CSMD3: variants seen among roughly 807,000 people sequenced by gnomAD.
CSMD3 encodes the protein CUB and sushi domain-containing protein 3.
A neutral mutation model predicts 435.2 loss-of-function variants in CSMD3; 177 were observed. The ratio of observed to expected loss-of-function variants is 0.41; its 90% CI spans 0.36 to 0.46. The LOEUF (loss-of-function observed/expected upper bound fraction) is 0.46, where lower values mean the gene tolerates loss of function less well. Ranked by LOEUF, CSMD3 falls within the 20% of genes least tolerant of loss-of-function variation. The pLI, the probability that CSMD3 is intolerant of heterozygous loss-of-function variation, is 0.34. For missense variants in CSMD3, 4,265 were observed against 4,504.6 expected, an observed-to-expected ratio of 0.95 and a Z score of 1.52; for synonymous variants, 1,656 against 1,520.5, an observed-to-expected ratio of 1.09 and a Z score of -2.07.
chr8:112,387,089 T>C (rs970246493), intron 36 of CSMD3, among the ~76,000 whole-genome samples: 9 of 152,196 alleles, frequency 5.9e-5, no homozygotes, highest in African/African-American at 1.7e-4. Context: ...ATTTTGAATG[T>C]AGCTGCACTG....
chr8:112,234,352 T>G lies in CSMD3; in HGVS notation c.10740+13A>C, dbSNP rs747300908. 6.6e-7 allele frequency: 1 copy of G among 1,513,014 alleles called. No homozygotes were observed. The highest frequency in any genetic ancestry group is 9.2e-7 in the Non-Finnish European group (1 of 1,088,884). 93.7% of individuals were successfully genotyped at this position (1,513,014 alleles called of 1,614,324 possible). A position where few individuals can be genotyped will look rare whatever the true frequency, so the allele number is the denominator to read the frequency against. ...TTAAAATCAGCAGCAGATGTTAAAA[T>G]AACTATACTTACAAAGCCATCCATT... On this transcript the variant is annotated intron_variant, in intron 68 of 70. Coordinates refer to ENST00000297405, the MANE Select transcript of CSMD3 (RefSeq NM_198123.2).
chr8:112,978,969 G>A (rs1463283559), intron 6 of CSMD3, among the ~76,000 whole-genome samples: 1 of 151,912 alleles, frequency 6.6e-6, no homozygotes, highest in East Asian at 1.9e-4. Context: ...AATGGAATAT[G>A]ATTATAATTG....
intron 47 of CSMD3, among the ~76,000 whole-genome samples, chr8:112,317,468 G>A (rs1350428827): frequency 1.3e-5 from 2 of 151,860 alleles, no homozygotes; most frequent in African/African-American, 2.4e-5. Flanking sequence ...TTTTTCCCAT[G>A]TATAACCCCT....
chr8:112,821,738 G>A (rs1001214653), intron 12 of CSMD3, among the ~76,000 whole-genome samples: 1 of 152,122 alleles, frequency 6.6e-6, no homozygotes, highest in African/African-American at 2.4e-5. Context: ...CCTGTGTCCT[G>A]AATGGCATTG....
At chr8:112,983,791 G>A (rs1302703957) in intron 6 of CSMD3, among the ~76,000 whole-genome samples, 1 of 151,878 alleles carries the variant, frequency 6.6e-6, no homozygotes. Context: ...CAGGTCTGGT[G>A]TAAAGAAGGT....
chr8:112,373,197 A>G (rs750492446), intron 38 of CSMD3, among the ~76,000 whole-genome samples: 21 of 151,900 alleles, frequency 1.4e-4, no homozygotes, highest in Non-Finnish European at 2.6e-4. Context: ...GATGAAAAAA[A>G]TAAACACTAT....
intron 16 of CSMD3, among the ~76,000 whole-genome samples, chr8:112,679,744 G>A (rs1482653458): frequency 1.3e-5 from 2 of 152,058 alleles, no homozygotes; most frequent in Non-Finnish European, 2.9e-5. Flanking sequence ...CCCAAGTTAG[G>A]CAAACGAGGA....
chr8:112,803,550 A>G (rs2079009243), intron 12 of CSMD3, among the ~76,000 whole-genome samples: 1 of 152,226 alleles, frequency 6.6e-6, no homozygotes, highest in Admixed American at 6.5e-5. Flanking sequence ...GAACTTGTAT[A>G]AAAGACTGTC....
intron 13 of CSMD3, among the ~76,000 whole-genome samples, chr8:112,798,909 C>G (rs1416710789): frequency 6.6e-6 from 1 of 151,626 alleles, no homozygotes; most frequent in African/African-American, 2.4e-5. Context: ...AGAAGTATGA[C>G]GAGGTGAGAG....
At chr8:112,535,705 C>CAAAACCAAAAAAGG (rs1826008508) in intron 27 of CSMD3, among the ~76,000 whole-genome samples, 1 of 152,110 alleles carries the variant, frequency 6.6e-6, no homozygotes, top group Admixed American at 6.6e-5. Flanking sequence ...AAAGAGCCCG[C>CAAAACCAAAAAAGG]ATCGCCAAGT....
intron 11 of CSMD3, among the ~76,000 whole-genome samples, chr8:112,847,324 G>C (rs1172776470): frequency 3.3e-5 from 5 of 152,170 alleles, no homozygotes; most frequent in South Asian, 2.1e-4. Context: ...AGCCCACTTG[G>C]TCCACACATG....
At chr8:112,935,801 C>A (rs150679147) in intron 9 of CSMD3, among the ~76,000 whole-genome samples, 1 of 151,426 alleles carries the variant, frequency 6.6e-6, no homozygotes, top group African/African-American at 2.4e-5. Context: ...AGAAAAGTGA[C>A]GTGATTTGAT....
At chr8:112,477,583 G>A (rs1032597692) in intron 31 of CSMD3, among the ~76,000 whole-genome samples, 7 of 151,968 alleles carry the variant, frequency 4.6e-5, no homozygotes, top group Admixed American at 3.9e-4. Flanking sequence ...CTGAGATCTG[G>A]TCATTTAAAG....
chr8:112,932,627 GA>G (rs570591489), intron 9 of CSMD3, among the ~76,000 whole-genome samples: 2 of 147,834 alleles, frequency 1.4e-5, no homozygotes, highest in Non-Finnish European at 1.5e-5. Context: ...GACAGAGCGA[GA>G]AAAAAAAAAG....
At chr8:112,460,271 C>T (rs970540965) in intron 32 of CSMD3, among the ~76,000 whole-genome samples, 3 of 151,864 alleles carry the variant, frequency 2.0e-5, no homozygotes, top group African/African-American at 7.3e-5. Flanking sequence ...TGAATAATTG[C>T]CACTTACAAG....
chr8:112,482,986 A>G (rs928930469), intron 31 of CSMD3, among the ~76,000 whole-genome samples: 1 of 152,162 alleles, frequency 6.6e-6, no homozygotes, highest in Admixed American at 6.5e-5. Context: ...TTTTCTGCAT[A>G]CTATTTGTAT....
At chr8:112,613,573 C>A (rs1447623720) in intron 22 of CSMD3, among the ~76,000 whole-genome samples, 1 of 152,008 alleles carries the variant, frequency 6.6e-6, no homozygotes, top group Non-Finnish European at 1.5e-5. Context: ...TGGCCTTATA[C>A]CTTCATTTTA....
At chr8:112,629,935 T>C (rs2131552432) in intron 22 of CSMD3, among the ~76,000 whole-genome samples, 2 of 152,310 alleles carry the variant, frequency 1.3e-5, no homozygotes, top group East Asian at 3.9e-4. Context: ...CACCCCTTGC[T>C]GGCTTGATGA....
At chr8:112,555,178 C>T (rs1828009413) in intron 25 of CSMD3, among the ~76,000 whole-genome samples, 1 of 151,920 alleles carries the variant, frequency 6.6e-6, no homozygotes, top group South Asian at 2.1e-4. Flanking sequence ...TACTTGTAAA[C>T]ATAAAATGCA....
Sources: gnomAD v4.1 joint callset for allele counts (sites outside exome capture counted in the v4.1 genomes callset) on GRCh38, gnomAD v4.1.1 for gene constraint, MANE v1.5 for transcripts, NCBI Gene and HGNC (gene_info 2026-07-23, HGNC 2026-07-21) for gene names.